The following CACNA1C variants were observed in gnomAD, a reference collection of about 807,000 sequenced individuals.
CACNA1C encodes the protein calcium voltage-gated channel subunit alpha1 C.
CACNA1C carries 30 observed loss-of-function variants against 229.0 expected under a neutral mutation model. The ratio of observed to expected loss-of-function variants is 0.13; its 90% CI spans 0.10 to 0.18. The LOEUF is 0.18. CACNA1C is among the 10% of genes least tolerant of loss of function. The probability of loss-of-function intolerance (pLI) is 1.00; values close to 1 mark genes in which losing one functional copy is unlikely to be tolerated. For missense variants in CACNA1C, 1,658 were observed against 2,845.0 expected, an observed-to-expected ratio of 0.58 and a Z score of 9.49; for synonymous variants, 1,114 against 1,132.5, an observed-to-expected ratio of 0.98 and a Z score of 0.33.
Position 2,633,529 on chromosome 12 carries a change from C to T in CACNA1C, c.3829-768C>T, listed in dbSNP as rs937266072. 5.4e-5 allele frequency: 42 copies of T among 779,052 alleles called. No individual in the cohort carries two copies. Among genetic ancestry groups the T allele is most frequent in the Admixed American group, 3.7e-4 (19 of 51,182 alleles). 48.3% of individuals were successfully genotyped at this position (779,052 alleles called of 1,614,324 possible). Reference sequence around the variant, plus strand: ...GGCGTCCGGAACTCCAGAGGCAACACGGAGGTGCCTGGACGATGATTCTGA... The same window carrying T: ...GGCGTCCGGAACTCCAGAGGCAACATGGAGGTGCCTGGACGATGATTCTGA... On this transcript the variant is annotated intron_variant, in intron 29 of 46. Coordinates refer to ENST00000399655, the MANE Select transcript of CACNA1C (RefSeq NM_000719.7). This position sits in a 1 kb window ranked among gnomAD's most constrained non-coding sequence, Gnocchi z 5.8.
chr12:2,564,005 A>T (rs2048913169), intron 11 of CACNA1C, among the ~76,000 whole-genome samples: 1 of 152,182 alleles, frequency 6.6e-6, no homozygotes, highest in African/African-American at 2.4e-5. Context: ...CTGAGGCTTG[A>T]TGGTCATCTC....
chr12:2,521,546 C>T (rs2099809999), intron 9 of CACNA1C, among the ~76,000 whole-genome samples: 2 of 152,180 alleles, frequency 1.3e-5, no homozygotes, highest in Non-Finnish European at 2.9e-5. Flanking sequence ...GCCAGGGTCC[C>T]AGCCCAAACC....
chr12:2,550,618 C>G (rs571956846), intron 10 of CACNA1C: 1 of 1,351,298 alleles, frequency 7.4e-7, no homozygotes, highest in Admixed American at 1.9e-5. Context: ...TCACCCTGGC[C>G]TCTGGAAGAA....
At chr12:2,252,806 C>T (rs1381746112) in intron 3 of CACNA1C, among the ~76,000 whole-genome samples, 1 of 151,660 alleles carries the variant, frequency 6.6e-6, no homozygotes, top group African/African-American at 2.4e-5. Context: ...CCAAGACTTT[C>T]TTGGGTCCTT....
At chr12:2,110,414 T>G (rs1596130327) in intron 1 of CACNA1C, among the ~76,000 whole-genome samples, 1 of 152,042 alleles carries the variant, frequency 6.6e-6, no homozygotes, top group African/African-American at 2.4e-5. Flanking sequence ...TGTTCAGGGG[T>G]GGGAGCATCC....
At chr12:2,075,332 A>G (rs1439805328) in intron 1 of CACNA1C, among the ~76,000 whole-genome samples, 4 of 152,202 alleles carry the variant, frequency 2.6e-5, no homozygotes, top group Non-Finnish European at 5.9e-5. Flanking sequence ...AGTGTGTCCC[A>G]TACTCTATCT....
chr12:2,582,282 C>T (rs2153224656), intron 14 of CACNA1C, among the ~76,000 whole-genome samples: 1 of 152,150 alleles, frequency 6.6e-6, no homozygotes, highest in South Asian at 2.1e-4. Context: ...ATGCTTGTCT[C>T]TTGAAAAAAA....
chr12:2,571,625 C>CTGTA (rs1015887836), intron 13 of CACNA1C, among the ~76,000 whole-genome samples: 81 of 152,254 alleles, frequency 5.3e-4, no homozygotes, highest in African/African-American at 1.8e-3. Flanking sequence ...AGAGAGCTTC[C>CTGTA]TGTAGTCCCT....
chr12:2,628,696 C>T (rs1333195420), intron 29 of CACNA1C, among the ~76,000 whole-genome samples: 2 of 151,892 alleles, frequency 1.3e-5, no homozygotes, highest in Non-Finnish European at 1.5e-5. Context: ...CACTTGAGAC[C>T]AGGAGTTCCA....
chr12:2,556,477 A>G (rs1304654167), intron 10 of CACNA1C, among the ~76,000 whole-genome samples: 1 of 151,892 alleles, frequency 6.6e-6, no homozygotes, highest in Non-Finnish European at 1.5e-5. Context: ...TGGCCCCTCC[A>G]TTTCTGGCTG....
At chr12:2,273,004 T>C (rs2085822944) in intron 3 of CACNA1C, among the ~76,000 whole-genome samples, 1 of 152,238 alleles carries the variant, frequency 6.6e-6, no homozygotes, top group Non-Finnish European at 1.5e-5. Context: ...TTCTTGACTG[T>C]AGTCTAGTGT....
intron 13 of CACNA1C, among the ~76,000 whole-genome samples, chr12:2,579,619 C>T (rs890356499): frequency 1.3e-5 from 2 of 152,110 alleles, no homozygotes; most frequent in African/African-American, 4.8e-5. Context: ...CTCACTCCGT[C>T]ACCCAGGATG....
chr12:2,685,081 C>G (rs2370607), intron 43 of CACNA1C, among the ~76,000 whole-genome samples: 2 of 152,000 alleles, frequency 1.3e-5, no homozygotes, highest in Non-Finnish European at 1.5e-5. Flanking sequence ...CAGGGTGCAA[C>G]GCATGCACCG....
chr12:2,128,012 T>C (rs776969026), intron 3 of CACNA1C, among the ~76,000 whole-genome samples: 4 of 152,252 alleles, frequency 2.6e-5, no homozygotes, highest in Admixed American at 6.5e-5. Flanking sequence ...CTCTTGTTCA[T>C]GGCTGTATCC....
intron 3 of CACNA1C, among the ~76,000 whole-genome samples, chr12:2,305,192 C>G (rs2094916537): frequency 1.3e-5 from 2 of 152,182 alleles, no homozygotes; most frequent in African/African-American, 4.8e-5. Flanking sequence ...TTGCTTTTGC[C>G]CCCTAGCCCT....
At chr12:2,278,798 A>T (rs1261205433) in intron 3 of CACNA1C, among the ~76,000 whole-genome samples, 1 of 152,188 alleles carries the variant, frequency 6.6e-6, no homozygotes, top group Non-Finnish European at 1.5e-5. Context: ...GTGTTTTAAG[A>T]AGTTGCCAAA....
intron 9 of CACNA1C, among the ~76,000 whole-genome samples, chr12:2,539,024 G>A (rs758495602): frequency 1.8e-4 from 27 of 152,298 alleles, no homozygotes; most frequent in Non-Finnish European, 3.4e-4. Context: ...AAAAAGGCCT[G>A]GACTCAAGAC....
intron 26 of CACNA1C, 121 bp downstream of exon 26, chr12:2,607,251 T>A (rs2075774849): frequency 1.0e-6 from 1 of 985,986 alleles, no homozygotes; most frequent in African/African-American, 1.6e-5. Flanking sequence ...TTTACCTGGG[T>A]CCTCCCCAGG....
At chr12:2,631,565 G>A (rs2090416489) in intron 29 of CACNA1C, among the ~76,000 whole-genome samples, 1 of 152,222 alleles carries the variant, frequency 6.6e-6, no homozygotes, top group Non-Finnish European at 1.5e-5. Context: ...CCCTGTGAAT[G>A]ATATCTGAGA....
Sources: gnomAD v4.1 joint callset for allele counts (sites outside exome capture counted in the v4.1 genomes callset) on GRCh38, gnomAD v4.1.1 for gene constraint, Gnocchi (gnomAD v3.1) non-coding constraint, MANE v1.5 for transcripts, NCBI Gene and HGNC (gene_info 2026-07-23, HGNC 2026-07-21) for gene names.